ZIC4: variants seen among roughly 807,000 people sequenced by gnomAD.
ZIC4 encodes the protein Zic family zinc finger 4.
A neutral mutation model predicts 28.8 loss-of-function variants in ZIC4; 15 were observed. That is an observed-to-expected ratio of 0.52 (90% CI 0.35 to 0.80). The LOEUF (loss-of-function observed/expected upper bound fraction) is 0.80, where lower values mean the gene tolerates loss of function less well. Ranked by LOEUF, ZIC4 falls within the 30% of genes least tolerant of loss-of-function variation. The probability of loss-of-function intolerance (pLI) is 0.01; values close to 1 mark genes in which losing one functional copy is unlikely to be tolerated. For missense variants in ZIC4, 512 were observed against 467.1 expected, an observed-to-expected ratio of 1.10 and a Z score of -0.89; for synonymous variants, 220 against 198.1, an observed-to-expected ratio of 1.11 and a Z score of -0.93.
At chr3:147,400,071 C>A (rs921872774) in intron 2 of ZIC4, among the ~76,000 whole-genome samples, 7 of 152,114 alleles carry the variant, frequency 4.6e-5, no homozygotes, top group Non-Finnish European at 7.3e-5. Flanking sequence ...GGCTGTGGAA[C>A]CCTTAGGAAG....
intron 1 of ZIC4, chr3:147,403,695 G>C: frequency 3.5e-6 from 1 of 289,416 alleles, no homozygotes; most frequent in Non-Finnish European, 6.4e-6. Flanking sequence ...TCATTGAAAA[G>C]GTCTCAGGCT....
intron 1 of ZIC4, chr3:147,403,954 G>T (rs541627936): frequency 6.5e-7 from 1 of 1,536,154 alleles, no homozygotes; most frequent in Admixed American, 2.0e-5. Flanking sequence ...AGGCAGGGGG[G>T]TAGACTCACC....
chr3:147,398,934 G>A (rs904225684), intron 2 of ZIC4, among the ~76,000 whole-genome samples: 5 of 151,892 alleles, frequency 3.3e-5, no homozygotes, highest in African/African-American at 1.2e-4. Flanking sequence ...CAGATTCTTT[G>A]AGACCTTCAT....
intron 2 of ZIC4, among the ~76,000 whole-genome samples, chr3:147,398,144 G>T (rs1240423539): frequency 6.6e-6 from 1 of 152,190 alleles, no homozygotes; most frequent in Admixed American, 6.5e-5. Context: ...GGAGTCGGGC[G>T]TGGATCCAGG....
chr3:147,388,583 C>T lies in ZIC4; in HGVS notation c.*276G>A, dbSNP rs2086840709. 2 of 411,342 alleles carry T rather than the reference C, an allele frequency of 4.9e-6. No individual in the cohort carries two copies. The highest frequency in any genetic ancestry group is 3.5e-5 in the East Asian group (1 of 28,342). 25.5% of individuals were successfully genotyped at this position (411,342 alleles called of 1,614,324 possible). ...GAAATTAAATGAAAATGATTTAGTC[C>T]GCGTCAAACAAAAATATATACTTGT... is the stretch of plus-strand genomic sequence containing the variant. On this transcript the variant is annotated 3_prime_UTR_variant, in exon 5 of 5. Transcript: ENST00000383075.
chr3:147,393,581 C>T (rs939389686), intron 3 of ZIC4: 1 of 276,936 alleles, frequency 3.6e-6, no homozygotes, highest in African/African-American at 2.3e-5. Flanking sequence ...GCCTCCTCTC[C>T]GACCCTGAGC....
rs1036494828 is a variant in ZIC4, at chr3:147,390,964, G to A, written c.971C>T (p.Ala324Val). ...CAAGTCGGCGGTACGCGCCGCCACCGCCGCCGAGGAGGCCACCTGGGACTT... is the reference window on the plus strand; with the variant it reads ...CAAGTCGGCGGTACGCGCCGCCACCACCGCCGAGGAGGCCACCTGGGACTT... ...GHKSQVASSA[A>V]VAARTADLSE Residue 324 changes from alanine to valine, a missense_variant, in exon 4 of 5, where the codon GCG becomes GTG. Coordinates refer to ENST00000383075, the MANE Select transcript of ZIC4 (RefSeq NM_032153.6). The A allele has an allele frequency of 2.5e-6, 4 of 1,611,450 alleles. No individual in the cohort carries two copies. Among genetic ancestry groups the A allele is most frequent in the East Asian group, 2.2e-5 (1 of 44,844 alleles).
intron 2 of ZIC4, among the ~76,000 whole-genome samples, chr3:147,400,853 C>A (rs1242395885): frequency 6.7e-6 from 1 of 149,886 alleles, no homozygotes; most frequent in African/African-American, 2.4e-5. Flanking sequence ...CTCCTCAGTG[C>A]TCTTCAGATT....
Position 147,388,496 on chromosome 3 carries a change from A to G in ZIC4, c.*363T>C. The G allele has an allele frequency of 3.4e-6, 1 of 295,230 alleles. No homozygotes were observed. The highest frequency in any genetic ancestry group is 6.2e-6 in the Non-Finnish European group (1 of 161,448). 18.3% of individuals were successfully genotyped at this position (295,230 alleles called of 1,614,324 possible). A position where few individuals can be genotyped will look rare whatever the true frequency, so the allele number is the denominator to read the frequency against. ...TCAAGCGGCTCTTTTCTTCCTTCACATTATTATCCATTTTTATTATGATCG... is the reference window on the plus strand; with the variant it reads ...TCAAGCGGCTCTTTTCTTCCTTCACGTTATTATCCATTTTTATTATGATCG... On this transcript the variant is annotated 3_prime_UTR_variant, in exon 5 of 5. Coordinates refer to ENST00000383075, the MANE Select transcript of ZIC4 (RefSeq NM_032153.6).
intron 1 of ZIC4, chr3:147,404,182 A>C: frequency 1.3e-6 from 2 of 1,497,086 alleles, no homozygotes; most frequent in South Asian, 1.3e-5. Flanking sequence ...AATAGAATTT[A>C]CTCTTTTGCT....
At position 147,400,414 on chromosome 3, in the gene ZIC4, C is replaced by T. The variant is rs1399877138; in HGVS notation, c.70+2314G>A. Among the ~76,000 whole-genome samples, 3 of 152,202 alleles carry T rather than the reference C, an allele frequency of 2.0e-5. No individual in the cohort carries two copies. In the East Asian group the frequency reaches 5.8e-4, roughly 29 times the overall value. On this transcript the variant is annotated intron_variant, in intron 2 of 4. Transcript: ENST00000383075. ...GCCAAAATCCTGGAGAGTAGGCTGG[C>T]CCCATGGAGCTCCTTCCCAGATGCA...
chr3:147,387,287 T>A lies in ZIC4; in HGVS notation c.*1572A>T, dbSNP rs1186374753. On this transcript the variant is annotated 3_prime_UTR_variant, in exon 5 of 5. Coordinates refer to ENST00000383075, the MANE Select transcript of ZIC4 (RefSeq NM_032153.6). ...GTATTGATGCAGTGTGTGGATATTG[T>A]TTTAAAAGAAGTTTGATTTTTATCT... 1 of 152,612 alleles carries A rather than the reference T, an allele frequency of 6.6e-6. No homozygotes were observed. The highest frequency in any genetic ancestry group is 2.4e-5 in the African/African-American group (1 of 41,444). 9.5% of individuals were successfully genotyped at this position (152,612 alleles called of 1,614,324 possible). A position where few individuals can be genotyped will look rare whatever the true frequency, so the allele number is the denominator to read the frequency against.
At chr3:147,402,883 G>T in intron 1 of ZIC4, 71 bp from the exon 2 acceptor site, 1 of 1,288,836 alleles carries the variant, frequency 7.8e-7, no homozygotes, top group Non-Finnish European at 1.1e-6. Context: ...ACATCCTGTG[G>T]TTTGAATGTA....
At chr3:147,405,616 C>A in intron 1 of ZIC4, 1 of 844,942 alleles carries the variant, frequency 1.2e-6, no homozygotes, top group South Asian at 1.5e-5. Context: ...GGCCTGCTCC[C>A]CAGAGAGCTA....
At chr3:147,398,588 G>C (rs543681944) in intron 2 of ZIC4, among the ~76,000 whole-genome samples, 2 of 152,136 alleles carry the variant, frequency 1.3e-5, no homozygotes, top group Admixed American at 6.5e-5. Flanking sequence ...GTCGTCCGGC[G>C]ATTTAAAGGG....
In ZIC4 at chr3:147,396,650, C is replaced by G; in HGVS notation, c.71-181G>C. ...ACAGAGCAAGGCCAAACACCTCCGC[C>G]GCCATTGGGCCGAATTGCTGTTGGG... On this transcript the variant is annotated intron_variant, in intron 2 of 4. Transcript: ENST00000383075. This position sits in a 1 kb window ranked among gnomAD's most constrained non-coding sequence, Gnocchi z 4.2. 1.5e-6 allele frequency: 1 copy of G among 688,142 alleles called. No homozygotes were observed. Among genetic ancestry groups the G allele is most frequent in the Non-Finnish European group, 2.2e-6 (1 of 462,092 alleles). The allele number at this position is 688,142 out of a possible 1,614,324, so 42.6% of individuals were successfully genotyped here.
intron 3 of ZIC4, among the ~76,000 whole-genome samples, chr3:147,395,494 G>A (rs922127132): frequency 1.3e-5 from 2 of 152,108 alleles, no homozygotes; most frequent in Non-Finnish European, 2.9e-5. Flanking sequence ...AAGGGACAAG[G>A]AAAAAAGTTA....
At chr3:147,393,663 A>G (rs1576457620) in intron 3 of ZIC4, 1 of 293,252 alleles carries the variant, frequency 3.4e-6, no homozygotes, top group East Asian at 1.2e-4. Flanking sequence ...TTGTGGCTGG[A>G]TCTGGTTGTC....
At chr3:147,399,885 T>A (rs1268614147) in intron 2 of ZIC4, among the ~76,000 whole-genome samples, 2 of 152,116 alleles carry the variant, frequency 1.3e-5, no homozygotes, top group Non-Finnish European at 2.9e-5. Context: ...AGGCTGGTCT[T>A]GAACTCTTGA....
Sources: allele counts gnomAD v4.1 joint callset (sites outside exome capture counted in the v4.1 genomes callset), GRCh38; gene constraint gnomAD v4.1.1; non-coding constraint Gnocchi (gnomAD v3.1); transcripts MANE v1.5; gene names NCBI Gene and HGNC (gene_info 2026-07-23, HGNC 2026-07-21).